The following COL19A1 variants were observed in gnomAD, a reference collection of about 807,000 sequenced individuals.
COL19A1 encodes the protein collagen type XIX alpha 1 chain.
A neutral mutation model predicts 190.2 loss-of-function variants in COL19A1; 159 were observed. That is an observed-to-expected ratio of 0.84 (90% confidence interval 0.73 to 0.95). COL19A1 has a LOEUF of 0.95. Among genes scored for constraint, COL19A1 ranks in the 40% least tolerant of loss-of-function variants. COL19A1 has a pLI of 0.00. For missense variants in COL19A1, 1,418 were observed against 1,431.9 expected, an observed-to-expected ratio of 0.99 and a Z score of 0.16; for synonymous variants, 509 against 458.9, an observed-to-expected ratio of 1.11 and a Z score of -1.39.
At chr6:69,945,987 G>C (rs2150029841) in intron 9 of COL19A1, among the ~76,000 whole-genome samples, 1 of 151,924 alleles carries the variant, frequency 6.6e-6, no homozygotes, top group Non-Finnish European at 1.5e-5. Context: ...TTCCATCCCT[G>C]CTTGGCAGTT....
At chr6:69,880,421 C>T (rs753047377) in intron 2 of COL19A1, among the ~76,000 whole-genome samples, 2 of 152,078 alleles carry the variant, frequency 1.3e-5, no homozygotes, top group Non-Finnish European at 2.9e-5. Context: ...CCTATGCAAA[C>T]GATCACATAT....
intron 11 of COL19A1, among the ~76,000 whole-genome samples, chr6:70,004,925 C>CG (rs1301390003): frequency 4.0e-5 from 6 of 151,838 alleles, no homozygotes; most frequent in African/African-American, 1.5e-4. Context: ...CTCTGCCCCC[C>CG]GGGTTCATGC....
intron 11 of COL19A1, among the ~76,000 whole-genome samples, chr6:70,006,206 G>T (rs1360801717): frequency 6.6e-6 from 1 of 152,208 alleles, no homozygotes. Context: ...TGGGAGCTCA[G>T]CAGGCTTAAG....
At chr6:70,062,259 A>G (rs1016661837) in intron 14 of COL19A1, among the ~76,000 whole-genome samples, 6 of 152,180 alleles carry the variant, frequency 3.9e-5, no homozygotes, top group Non-Finnish European at 8.8e-5. Context: ...AAAATTAGTT[A>G]CAATAATTTA....
At chr6:70,105,872 T>A (rs757074637) in intron 16 of COL19A1, among the ~76,000 whole-genome samples, 26 of 152,340 alleles carry the variant, frequency 1.7e-4, no homozygotes, top group Non-Finnish European at 3.2e-4. Flanking sequence ...TACTATGTAA[T>A]ATCCCTCAAA....
intron 14 of COL19A1, among the ~76,000 whole-genome samples, chr6:70,050,685 A>G (rs190389186): frequency 2.0e-5 from 3 of 152,232 alleles, no homozygotes; most frequent in East Asian, 1.9e-4. Flanking sequence ...CTTTCCAGCT[A>G]CCAAACCTAA....
chr6:70,062,238 AAC>A (rs1417814813), intron 14 of COL19A1, among the ~76,000 whole-genome samples: 1 of 152,124 alleles, frequency 6.6e-6, no homozygotes, highest in African/African-American at 2.4e-5. Context: ...TTTTTGTACT[AAC>A]ACTTTAAAAA....
rs1480371203 is a variant in COL19A1, at chr6:69,961,176, A to T, written c.981+1136A>T. Reference sequence around the variant, plus strand: ...AGATGTTTTACTGGTTTTGGCAACAACATGTCAGAAGTTACTATGCATGTA... The same window carrying T: ...AGATGTTTTACTGGTTTTGGCAACATCATGTCAGAAGTTACTATGCATGTA... On this transcript the variant is annotated intron_variant, in intron 10 of 50. Coordinates refer to ENST00000620364, the MANE Select transcript of COL19A1 (RefSeq NM_001858.6). 2.0e-5 allele frequency among the ~76,000 whole-genome samples: 3 copies of T among 152,254 alleles called. No individual in the cohort carries two copies. In the East Asian group the frequency reaches 5.8e-4, roughly 29 times the overall value.
At chr6:70,175,033 A>T (rs1412746444) in intron 41 of COL19A1, among the ~76,000 whole-genome samples, 1 of 152,268 alleles carries the variant, frequency 6.6e-6, no homozygotes, top group Non-Finnish European at 1.5e-5. Context: ...GAGACATGCA[A>T]ATATTTCATT....
chr6:70,056,486 T>A (rs1256070788), intron 14 of COL19A1, among the ~76,000 whole-genome samples: 1 of 152,162 alleles, frequency 6.6e-6, no homozygotes, highest in African/African-American at 2.4e-5. Context: ...ATTTCCTTTC[T>A]GGTTGAGTAG....
At position 70,144,237 on chromosome 6, in the gene COL19A1, G is replaced by A; in HGVS notation, c.1654G>A (p.Gly552Arg). 6.2e-7 allele frequency: 1 copy of A among 1,612,336 alleles called. No homozygotes were observed. The highest frequency in any genetic ancestry group is 8.5e-7 in the Non-Finnish European group (1 of 1,178,834). ...ATTGCCAGGAGAACATGGTATCCCAGGAAAACAAGGCATTAAAGGAGAAAA... is the reference window on the plus strand; with the variant it reads ...ATTGCCAGGAGAACATGGTATCCCAAGAAAACAAGGCATTAAAGGAGAAAA... ...VGLPGEHGIPGKQGIKGEKGD... is the reference protein window; with the variant it reads ...VGLPGEHGIPRKQGIKGEKGD... The change falls in exon 24 of 51, where the codon GGA becomes AGA. Residue 552 changes from glycine to arginine, a missense_variant. Physicochemically the swap from Gly to Arg is moderately radical, Grantham distance 125. Coordinates refer to ENST00000620364, the MANE Select transcript of COL19A1 (RefSeq NM_001858.6).
intron 9 of COL19A1, among the ~76,000 whole-genome samples, chr6:69,958,913 A>G (rs1774596637): frequency 6.6e-6 from 1 of 152,222 alleles, no homozygotes; most frequent in African/African-American, 2.4e-5. Flanking sequence ...ATTCAAATAA[A>G]TGATAGCTAA....
At chr6:69,997,022 T>TAGAG (rs1430828833) in intron 11 of COL19A1, among the ~76,000 whole-genome samples, 3 of 144,092 alleles carry the variant, frequency 2.1e-5, no homozygotes, top group Admixed American at 2.1e-4. Context: ...TACATATATA[T>TAGAG]ATATAGAGAG....
At chr6:69,985,600 G>A (rs1018891068) in intron 11 of COL19A1, among the ~76,000 whole-genome samples, 2 of 152,008 alleles carry the variant, frequency 1.3e-5, no homozygotes, top group African/African-American at 4.8e-5. Context: ...TATGCAAACA[G>A]CCAGGACCCT....
intron 31 of COL19A1, among the ~76,000 whole-genome samples, chr6:70,154,465 T>C (rs1255378729): frequency 6.6e-6 from 1 of 152,170 alleles, no homozygotes; most frequent in African/African-American, 2.4e-5. Context: ...ATCCTTTGGG[T>C]ATATACCCAG....
chr6:70,082,764 T>G (rs1054315335), intron 15 of COL19A1, among the ~76,000 whole-genome samples: 2 of 152,156 alleles, frequency 1.3e-5, no homozygotes, highest in Non-Finnish European at 2.9e-5. Flanking sequence ...CCAACCTTTT[T>G]TGGCACCAGG....
intron 4 of COL19A1, among the ~76,000 whole-genome samples, chr6:69,905,013 C>G (rs1445775713): frequency 3.9e-5 from 6 of 152,134 alleles, no homozygotes; most frequent in Admixed American, 3.3e-4. Context: ...CACAGGAGAC[C>G]TATCCACTGC....
intron 14 of COL19A1, among the ~76,000 whole-genome samples, chr6:70,044,115 C>T (rs1050957435): frequency 6.6e-6 from 1 of 152,208 alleles, no homozygotes; most frequent in African/African-American, 2.4e-5. Flanking sequence ...CCAACTTCTG[C>T]TAGCTTCAAA....
At chr6:70,059,943 G>A (rs960442853) in intron 14 of COL19A1, 15 of 337,016 alleles carry the variant, frequency 4.5e-5, no homozygotes, top group Non-Finnish European at 8.6e-5. Flanking sequence ...AAATCCACAG[G>A]CTATGCAAAT....
Sources: gnomAD v4.1 joint callset for allele counts (sites outside exome capture counted in the v4.1 genomes callset) on GRCh38, gnomAD v4.1.1 for gene constraint, MANE v1.5 for transcripts, NCBI Gene and HGNC (gene_info 2026-07-23, HGNC 2026-07-21) for gene names.